The following PDE10A variants were observed in gnomAD, a reference collection of about 807,000 sequenced individuals.
PDE10A encodes cAMP and cAMP-inhibited cGMP 3',5'-cyclic phosphodiesterase 10A.
Under a neutral mutation model 97.7 loss-of-function variants are expected in PDE10A, and 39 were observed. That is an observed-to-expected ratio of 0.40 (90% CI 0.31 to 0.52). The LOEUF (loss-of-function observed/expected upper bound fraction) is 0.52, where lower values mean the gene tolerates loss of function less well. Ranked by LOEUF, PDE10A falls within the 20% of genes least tolerant of loss-of-function variation. PDE10A has a pLI of 0.56. For missense variants in PDE10A, 731 were observed against 1,047.8 expected (o/e 0.70, Z 4.17); for synonymous variants, 371 against 376.8 (o/e 0.98, Z 0.18).
intron 2 of PDE10A, among the ~76,000 whole-genome samples, chr6:165,542,013 A>G (rs1783468558): frequency 6.6e-6 from 1 of 152,250 alleles, no homozygotes; most frequent in East Asian, 1.9e-4. Context: ...TAACATTTTA[A>G]TAACAATTAT....
At chr6:165,945,590 G>A (rs896117247) in intron 1 of PDE10A, among the ~76,000 whole-genome samples, 1 of 152,150 alleles carries the variant, frequency 6.6e-6, no homozygotes, top group African/African-American at 2.4e-5. Flanking sequence ...AAACCCCGTT[G>A]AGCTTGTTTG....
At chr6:165,479,003 C>T (rs1172473574) in intron 3 of PDE10A, among the ~76,000 whole-genome samples, 1 of 152,136 alleles carries the variant, frequency 6.6e-6, no homozygotes, top group Non-Finnish European at 1.5e-5. Flanking sequence ...TCTTATGTCT[C>T]CCTAAAATGT....
chr6:165,371,840 C>A (rs1784273650), intron 18 of PDE10A, among the ~76,000 whole-genome samples: 1 of 152,100 alleles, frequency 6.6e-6, no homozygotes, highest in South Asian at 2.1e-4. Flanking sequence ...AAAATACTGG[C>A]AAACCAAATC....
At chr6:165,509,090 T>C (rs752944769) in intron 2 of PDE10A, among the ~76,000 whole-genome samples, 20 of 152,042 alleles carry the variant, frequency 1.3e-4, no homozygotes, top group Non-Finnish European at 2.5e-4. Flanking sequence ...TTCATCCATG[T>C]CAAAGCGTAT....
At chr6:165,675,115 T>C (rs1437918837) in intron 1 of PDE10A, among the ~76,000 whole-genome samples, 1 of 152,200 alleles carries the variant, frequency 6.6e-6, no homozygotes, top group East Asian at 1.9e-4. Context: ...AAATCAATAG[T>C]TTTGTCTATG....
chr6:165,765,625 C>G (rs922952048), intron 1 of PDE10A, among the ~76,000 whole-genome samples: 4 of 152,204 alleles, frequency 2.6e-5, no homozygotes, highest in Non-Finnish European at 1.5e-5. Context: ...CCAGCTGGCC[C>G]GCAAGCGCCA....
intron 1 of PDE10A, among the ~76,000 whole-genome samples, chr6:165,862,811 T>C (rs944319958): frequency 2.0e-5 from 3 of 152,002 alleles, no homozygotes; most frequent in Non-Finnish European, 4.4e-5. Context: ...CCCAAGTAGC[T>C]GGGACTACAG....
intron 1 of PDE10A, among the ~76,000 whole-genome samples, chr6:165,968,527 C>G (rs1202785531): frequency 1.3e-5 from 2 of 152,172 alleles, no homozygotes; most frequent in Non-Finnish European, 1.5e-5. Flanking sequence ...GGAACAAAAT[C>G]AGACATGCAG....
At chr6:165,347,354 A>G (rs1021150121) in intron 18 of PDE10A, among the ~76,000 whole-genome samples, 8 of 152,216 alleles carry the variant, frequency 5.3e-5, no homozygotes, top group African/African-American at 1.4e-4. Flanking sequence ...TCATATAAGT[A>G]TAAACATGAT....
intron 1 of PDE10A, among the ~76,000 whole-genome samples, chr6:165,577,727 G>A (rs927201905): frequency 6.6e-6 from 1 of 152,178 alleles, no homozygotes; most frequent in African/African-American, 2.4e-5. Context: ...CATGCAATCA[G>A]CAGCCACAGC....
chr6:165,357,371 T>C (rs1220520937), intron 18 of PDE10A, among the ~76,000 whole-genome samples: 1 of 152,148 alleles, frequency 6.6e-6, no homozygotes, highest in Admixed American at 6.5e-5. Flanking sequence ...TTTTGTGATG[T>C]TTTTGACAGA....
chr6:165,382,737 T>TTGA (rs35602278), intron 17 of PDE10A, among the ~76,000 whole-genome samples: 81,976 of 151,138 alleles, frequency 0.54, 22,962 homozygotes, highest in African/African-American at 0.69. Flanking sequence ...ATAGTGATGA[T>TTGA]TGATGATGAT....
chr6:165,458,742 T>C (rs1217570861), intron 3 of PDE10A, among the ~76,000 whole-genome samples: 1 of 152,172 alleles, frequency 6.6e-6, no homozygotes, highest in Non-Finnish European at 1.5e-5. Context: ...CAAGTTGGTG[T>C]GCCCCTTTAT....
At chr6:165,855,274 C>G (rs1213121598) in intron 1 of PDE10A, among the ~76,000 whole-genome samples, 1 of 120,588 alleles carries the variant, frequency 8.3e-6, no homozygotes, top group Non-Finnish European at 1.7e-5. Flanking sequence ...CACCAGCCTT[C>G]GAGGGGACTC....
intron 18 of PDE10A, among the ~76,000 whole-genome samples, chr6:165,365,110 G>C (rs1783686648): frequency 6.6e-6 from 1 of 151,778 alleles, no homozygotes; most frequent in Non-Finnish European, 1.5e-5. Context: ...ATAAAAGTTA[G>C]TTTTATTAAA....
rs1788467592 is a variant in PDE10A at position 165,418,342 on chromosome 6, C to T, written c.1796+293G>A. Among the ~76,000 whole-genome samples the T allele has an allele frequency of 6.6e-6, 1 of 152,090 alleles. No individual in the cohort carries two copies. The highest frequency in any genetic ancestry group is 1.5e-5 in the Non-Finnish European group (1 of 68,016). ...ACCTGCAGATTCCAGGTGGAGTGTA[C>T]CTTTACCTACCTGGGAGCACTAGAA... On this transcript the variant is annotated intron_variant, in intron 11 of 21. Coordinates refer to ENST00000539869, the MANE Select transcript of PDE10A (RefSeq NM_001385079.1). This position sits in a 1 kb window ranked among gnomAD's most constrained non-coding sequence, Gnocchi z 4.8.
intron 1 of PDE10A, among the ~76,000 whole-genome samples, chr6:165,901,640 T>C (rs6919876): frequency 3.8e-4 from 58 of 152,184 alleles, no homozygotes; most frequent in African/African-American, 1.3e-3. Flanking sequence ...CTGTCTCTAC[T>C]AAAAATACAA....
chr6:165,586,004 C>G (rs1248728322), intron 1 of PDE10A, among the ~76,000 whole-genome samples: 1 of 152,120 alleles, frequency 6.6e-6, no homozygotes, highest in African/African-American at 2.4e-5. Flanking sequence ...TCACTGGACA[C>G]CATACCCCAT....
At chr6:165,866,746 C>A (rs1189711967) in intron 1 of PDE10A, among the ~76,000 whole-genome samples, 1 of 150,224 alleles carries the variant, frequency 6.7e-6, no homozygotes, top group Non-Finnish European at 1.5e-5. Flanking sequence ...AGATTTCTCA[C>A]CAGAAATCTA....
Sources: allele counts gnomAD v4.1 joint callset (sites outside exome capture counted in the v4.1 genomes callset), GRCh38; gene constraint gnomAD v4.1.1; non-coding constraint Gnocchi (gnomAD v3.1); transcripts MANE v1.5; gene names NCBI Gene and HGNC (gene_info 2026-07-23, HGNC 2026-07-21).